Variants in WDR43 observed in about 807,000 individuals in gnomAD.
WDR43 encodes WD repeat domain 43, also known as WD repeat-containing protein 43.
A neutral mutation model predicts 91.4 loss-of-function variants in WDR43; 13 were observed. That is an observed-to-expected ratio of 0.14 (90% CI 0.09 to 0.23). The LOEUF is 0.23. Ranked by LOEUF, WDR43 falls within the 10% of genes least tolerant of loss-of-function variation. The pLI is 1.00. For missense variants in WDR43, 780 were observed against 809.4 expected (o/e 0.96, Z 0.44); for synonymous variants, 331 against 287.9 (o/e 1.15, Z -1.51).
chr2:28,933,561 C>T (rs557614537), intron 11 of WDR43, among the ~76,000 whole-genome samples: 15 of 152,138 alleles, frequency 9.9e-5, no homozygotes, highest in Non-Finnish European at 2.2e-4. Context: ...AACTTCTGTT[C>T]TTGGAAAAAC....
chr2:28,912,508 A>G, intron 3 of WDR43, 82 bp from the exon 4 acceptor site: 2 of 1,510,880 alleles, frequency 1.3e-6, no homozygotes, highest in Non-Finnish European at 1.8e-6. Context: ...ATGATTGTTC[A>G]GTTTGTTTTT....
chr2:28,943,004 G>T (rs913807726), intron 16 of WDR43, among the ~76,000 whole-genome samples: 10 of 152,092 alleles, frequency 6.6e-5, no homozygotes, highest in African/African-American at 2.4e-4. Flanking sequence ...AAACATTAAT[G>T]ACCAAAATTG....
At chr2:28,944,329 A>T (rs1180372196) in intron 16 of WDR43, among the ~76,000 whole-genome samples, 1 of 152,216 alleles carries the variant, frequency 6.6e-6, no homozygotes, top group Non-Finnish European at 1.5e-5. Context: ...GGCATTTGTA[A>T]ACAGATTAAA....
In WDR43 at chr2:28,914,114, A is replaced by G. The variant is rs1369579834; in HGVS notation, c.652A>G (p.Thr218Ala). 2.5e-6 allele frequency: 4 copies of G among 1,613,938 alleles called. No individual in the cohort carries two copies. Among genetic ancestry groups the G allele is most frequent in the African/African-American group, 2.7e-5 (2 of 75,038 alleles). Residue 218 changes from threonine (T) to alanine (A), a missense_variant, in exon 5 of 18, where the codon ACC (threonine) becomes GCC (alanine). Thr to Ala is a moderately conservative substitution (Grantham distance 58, BLOSUM62 0). Around this residue, in one of 4 missense-constraint regions of WDR43, gnomAD observed 174 missense variants for 207.3 expected, o/e 0.84. Transcript: ENST00000407426. ...ATPVSSLMFT[T>A]IRPPNESQPF... is the part of the protein sequence containing the mutation. ...GCCAGTTTCGTCACTGATGTTCACT[A>G]CCATCAGACCTCCTAATGAGAGCCA...
intron 2 of WDR43, among the ~76,000 whole-genome samples, chr2:28,902,664 C>T (rs1486407266): frequency 6.6e-6 from 1 of 152,196 alleles, no homozygotes; most frequent in Admixed American, 6.5e-5. Flanking sequence ...TTGGGCATTA[C>T]CACTGTTGGG....
chr2:28,904,237 A>T (rs550381828), intron 2 of WDR43, among the ~76,000 whole-genome samples: 8 of 152,270 alleles, frequency 5.3e-5, no homozygotes, highest in African/African-American at 1.9e-4. Flanking sequence ...GTGGAAAAGG[A>T]CCAGGCTTTG....
intron 10 of WDR43, among the ~76,000 whole-genome samples, chr2:28,928,904 G>A (rs1226327470): frequency 2.6e-5 from 4 of 152,050 alleles, no homozygotes; most frequent in Non-Finnish European, 5.9e-5. Context: ...CGAACACCTG[G>A]GCTCAAGTGA....
intron 7 of WDR43, among the ~76,000 whole-genome samples, chr2:28,924,116 C>T (rs932370253): frequency 3.9e-5 from 6 of 151,996 alleles, no homozygotes; most frequent in African/African-American, 1.2e-4. Flanking sequence ...TAATAAGATG[C>T]GTAGGGTGTG....
At chr2:28,927,287 T>C (rs1428788218) in intron 9 of WDR43, 2 of 446,234 alleles carry the variant, frequency 4.5e-6, no homozygotes, top group East Asian at 9.9e-5. Context: ...ATACCAACGT[T>C]AGTGACACTA....
At chr2:28,914,776 A>G (rs1371103981) in intron 5 of WDR43, among the ~76,000 whole-genome samples, 2 of 152,124 alleles carry the variant, frequency 1.3e-5, no homozygotes, top group African/African-American at 4.8e-5. Flanking sequence ...TAAAAATACA[A>G]AAATTAGCCG....
intron 16 of WDR43, 85 bp downstream of exon 16, chr2:28,942,466 C>A: frequency 7.1e-7 from 1 of 1,404,604 alleles, no homozygotes; most frequent in Non-Finnish European, 9.9e-7. Context: ...TTGAAAACGT[C>A]AACATAAGAT....
At chr2:28,936,728 A>T (rs1450268724) in intron 12 of WDR43, among the ~76,000 whole-genome samples, 194 bp from the exon 13 acceptor site, 1 of 152,186 alleles carries the variant, frequency 6.6e-6, no homozygotes, top group South Asian at 2.1e-4. Flanking sequence ...ACATTCCTTC[A>T]TATAAGTCCT....
At chr2:28,930,353 A>T (rs1452530314) in intron 11 of WDR43, among the ~76,000 whole-genome samples, 1 of 152,244 alleles carries the variant, frequency 6.6e-6, no homozygotes, top group Non-Finnish European at 1.5e-5. Context: ...AGTGAAAAAC[A>T]GTTCGATTCA....
chr2:28,906,441 T>C lies in WDR43; in HGVS notation c.364-19T>C. 1 of 1,519,924 alleles carries C rather than the reference T, an allele frequency of 6.6e-7. No homozygotes were observed. The highest frequency in any genetic ancestry group is 8.8e-7 in the Non-Finnish European group (1 of 1,138,048). 94.2% of individuals were successfully genotyped at this position (1,519,924 alleles called of 1,614,324 possible). On this transcript the variant is annotated intron_variant, in intron 2 of 17. Transcript: ENST00000407426. ...GTTTGAGACCAGCCTTAAATTTTTT[T>C]TTTTTTTTTAATCTACAGAGTGGTG... is the stretch of plus-strand genomic sequence containing the variant.
chr2:28,914,140 G>A lies in WDR43; in HGVS notation c.678G>A (p.Gln226=). Residue 226 remains glutamine (Q), a synonymous_variant, in exon 5 of 18, where the codon CAG becomes CAA. Transcript: ENST00000407426. ...CCATCAGACCTCCTAATGAGAGCCA[G>A]CCCTTTGATGGAATTACAGGTCTTT... The part of the protein sequence containing the change: ...FTTIRPPNES[Q]PFDGITGLYF... 6.2e-7 allele frequency: 1 copy of A among 1,613,934 alleles called. No homozygotes were observed. The highest frequency in any genetic ancestry group is 8.5e-7 in the Non-Finnish European group (1 of 1,179,884).
intron 8 of WDR43, among the ~76,000 whole-genome samples, chr2:28,925,786 A>G (rs1362878492): frequency 2.6e-5 from 4 of 152,170 alleles, no homozygotes; most frequent in African/African-American, 4.8e-5. Flanking sequence ...ATACGTGCAT[A>G]TGGTTTAATT....
intron 16 of WDR43, among the ~76,000 whole-genome samples, chr2:28,942,974 G>A (rs1181881820): frequency 6.6e-6 from 1 of 151,352 alleles, no homozygotes; most frequent in African/African-American, 2.4e-5. Context: ...AAGTCTAGGT[G>A]GTATAGTTAA....
chr2:28,945,471 T>C (rs1671528943), intron 16 of WDR43, among the ~76,000 whole-genome samples: 1 of 152,210 alleles, frequency 6.6e-6, no homozygotes, highest in Non-Finnish European at 1.5e-5. Flanking sequence ...TTTCATGACA[T>C]GGACTTGGTG....
Position 28,929,607 on chromosome 2 carries a change from T to G in WDR43, c.1334T>G (p.Met445Arg). The change falls in exon 11 of 18, where the codon ATG becomes AGG. Residue 445 changes from methionine to arginine, a missense_variant. Met to Arg is a moderately conservative substitution (Grantham distance 91). Transcript: ENST00000407426. ...AGCATTGAAGAACGTCTGGGAGCAATGGATATAGACACACACAAAAAAGGA... is the reference window on the plus strand; with the variant it reads ...AGCATTGAAGAACGTCTGGGAGCAAGGGATATAGACACACACAAAAAAGGA... ...EVSIEERLGA[M>R]DIDTHKKGKE... 1.2e-6 allele frequency: 2 copies of G among 1,612,544 alleles called. No homozygotes were observed. Among genetic ancestry groups the G allele is most frequent in the Non-Finnish European group, 1.7e-6 (2 of 1,179,116 alleles).
Sources: gnomAD v4.1 joint callset for allele counts (sites outside exome capture counted in the v4.1 genomes callset) on GRCh38, gnomAD v4.1.1 for gene constraint, gnomAD v4.1.1 regional missense constraint, MANE v1.5 for transcripts, NCBI Gene and HGNC (gene_info 2026-07-23, HGNC 2026-07-21) for gene names.